The following NAV1 variants were observed in gnomAD, a reference collection of about 807,000 sequenced individuals.
The protein encoded by NAV1 is neuron navigator 1.
A neutral mutation model predicts 175.2 loss-of-function variants in NAV1; 18 were observed. The ratio of observed to expected loss-of-function variants is 0.10; its 90% CI spans 0.07 to 0.15. The LOEUF (loss-of-function observed/expected upper bound fraction) is 0.15, where lower values mean the gene tolerates loss of function less well. NAV1 is among the 10% of genes least tolerant of loss of function. The pLI, the probability that NAV1 is intolerant of heterozygous loss-of-function variation, is 1.00. For missense variants in NAV1, 1,731 were observed against 2,436.6 expected (o/e 0.71, Z 6.10); for synonymous variants, 897 against 978.7 (o/e 0.92, Z 1.56).
chr1:201,804,581 A>G (rs1678159752), intron 17 of NAV1, 84 bp downstream of exon 21: 2 of 299,322 alleles, frequency 6.7e-6, no homozygotes, highest in Non-Finnish European at 5.2e-6. Context: ...CCTTCCCCTA[A>G]AAAAAAAAAA....
intron 3 of NAV1, among the ~76,000 whole-genome samples, chr1:201,743,262 G>A (rs985630797): frequency 6.6e-6 from 1 of 152,190 alleles, no homozygotes; most frequent in African/African-American, 2.4e-5. Flanking sequence ...ACTAAATGCT[G>A]AAGATGCAGA....
chr1:201,586,948 C>T (rs1322862400), intron 1 of NAV1, among the ~76,000 whole-genome samples: 5 of 152,148 alleles, frequency 3.3e-5, no homozygotes, highest in South Asian at 2.1e-4. Context: ...CAGTAGCTCA[C>T]GCCTGTAACC....
intron 1 of NAV1, among the ~76,000 whole-genome samples, chr1:201,708,869 C>T (rs1671779709): frequency 6.6e-6 from 1 of 152,116 alleles, no homozygotes; most frequent in African/African-American, 2.4e-5. Flanking sequence ...AAGCCATTAG[C>T]CAGGCACGAT....
chr1:201,551,863 C>T lies in NAV1; in HGVS notation c.-144+12521C>T, dbSNP rs1665864178. 2.0e-5 allele frequency among the ~76,000 whole-genome samples: 3 copies of T among 152,230 alleles called. No individual in the cohort carries two copies. The South Asian group carries it at 6.2e-4, about 31-fold the overall frequency. On this transcript the variant is annotated intron_variant, in intron 1 of 33. Coordinates refer to the NAV1 transcript ENST00000685211. The stretch of plus-strand genomic sequence containing the variant: ...AAAACTCCTCTGCTTTTTAGCCGGT[C>T]TGGAGCTAATAAGCCGGCCCCTCCC...
At chr1:201,722,743 A>G (rs181817779) in intron 3 of NAV1, among the ~76,000 whole-genome samples, 22 of 152,342 alleles carry the variant, frequency 1.4e-4, no homozygotes, top group Admixed American at 1.2e-3. Flanking sequence ...TCTACCAGCA[A>G]TGAATGAGGG....
At chr1:201,791,052 C>T (rs1677087303) in intron 13 of NAV1, 2 of 381,076 alleles carry the variant, frequency 5.2e-6, no homozygotes, top group African/African-American at 4.0e-5. Flanking sequence ...AGATTGATTA[C>T]CAGTGGTTCT....
chr1:201,540,284 C>A (rs1184691803), intron 1 of NAV1, among the ~76,000 whole-genome samples: 1 of 152,186 alleles, frequency 6.6e-6, no homozygotes, highest in Non-Finnish European at 1.5e-5. Context: ...GCGCAGCTGG[C>A]GCCGGCTTAA....
At chr1:201,778,253 G>A (rs541514488) in intron 3 of NAV1, among the ~76,000 whole-genome samples, 1 of 152,260 alleles carries the variant, frequency 6.6e-6, no homozygotes, top group African/African-American at 2.4e-5. Flanking sequence ...GTGGGGCAAA[G>A]GAAGGTTTCT....
At chr1:201,614,730 G>C (rs146663139) in intron 2 of NAV1, among the ~76,000 whole-genome samples, 187 of 152,324 alleles carry the variant, frequency 1.2e-3, no homozygotes, top group African/African-American at 4.3e-3. Context: ...CTGAGGCCTG[G>C]ATTTAGGCTG....
chr1:201,649,775 T>C (rs1419260293), intron 1 of NAV1, among the ~76,000 whole-genome samples: 1 of 151,978 alleles, frequency 6.6e-6, no homozygotes, highest in Non-Finnish European at 1.5e-5. Context: ...GAAACCTCCG[T>C]TGTGGTGTGG....
chr1:201,664,809 G>T (rs1199498588), intron 1 of NAV1, among the ~76,000 whole-genome samples: 4 of 152,140 alleles, frequency 2.6e-5, no homozygotes, highest in African/African-American at 9.7e-5. Context: ...GCCGTGGTAT[G>T]CCCTCAGCCT....
intron 1 of NAV1, among the ~76,000 whole-genome samples, chr1:201,677,613 A>T (rs960141469): frequency 1.3e-5 from 2 of 151,134 alleles, no homozygotes; most frequent in Non-Finnish European, 3.0e-5. Context: ...CTTCCCCTAA[A>T]CTCACCATCT....
chr1:201,732,933 T>C (rs554134513), intron 3 of NAV1, among the ~76,000 whole-genome samples: 2 of 151,596 alleles, frequency 1.3e-5, no homozygotes, highest in Non-Finnish European at 2.9e-5. Context: ...TAGCTGGGCA[T>C]GGTGGCGCGT....
chr1:201,653,149 C>T (rs912576462), intron 1 of NAV1, among the ~76,000 whole-genome samples: 7 of 152,298 alleles, frequency 4.6e-5, no homozygotes, highest in East Asian at 1.9e-4. Context: ...AATCACAAGT[C>T]GGGGACTGTC....
chr1:201,740,014 G>A lies in NAV1; in HGVS notation c.1226+21259G>A, dbSNP rs142134365. ...GCCCACCCGGTGAATGGCCGCCTGA[G>A]CCGGGGAAGATGCTTCATCTGCCCC... On this transcript the variant is annotated intron_variant, in intron 3 of 29. Transcript: ENST00000367296. This position sits in a 1 kb window ranked among gnomAD's most constrained non-coding sequence, Gnocchi z 4.7. 2,996 of 1,480,744 alleles carry A rather than the reference G, an allele frequency of 2.0e-3. 135 individuals are homozygous for A. The Admixed American group carries it at 0.068, about 34-fold the overall frequency. 91.7% of individuals were successfully genotyped at this position (1,480,744 alleles called of 1,614,324 possible).
At chr1:201,712,818 C>G in exon 2 of NAV1, 1 of 1,610,620 alleles carries the variant, frequency 6.2e-7, no homozygotes, top group Non-Finnish European at 8.5e-7. Flanking sequence ...CCCTACCAGA[C>G]CCAGAGTCCC....
rs1293779088 is a variant in NAV1 at position 201,788,298 on chromosome 1, C to A, written c.2996-170C>A. On this transcript the variant is annotated intron_variant, in intron 9 of 29. Coordinates refer to ENST00000367296, the Ensembl canonical transcript of NAV1. This position sits in a 1 kb window ranked among gnomAD's most constrained non-coding sequence, Gnocchi z 5.7. ...GAGGGACCCCGCTCCTAACCACCAG[C>A]TGCTTGCACACTCCCACCACCGCAC... is the stretch of plus-strand genomic sequence containing the variant. Among the ~76,000 whole-genome samples the A allele has an allele frequency of 6.6e-6, 1 of 152,116 alleles. No individual in the cohort carries two copies. The highest frequency in any genetic ancestry group is 1.5e-5 in the Non-Finnish European group (1 of 68,020).
chr1:201,674,467 C>T (rs1670167266), intron 1 of NAV1, among the ~76,000 whole-genome samples: 2 of 152,060 alleles, frequency 1.3e-5, no homozygotes, highest in Non-Finnish European at 2.9e-5. Flanking sequence ...CTCCTGGAGG[C>T]CCTCCAGCAA....
intron 2 of NAV1, among the ~76,000 whole-genome samples, chr1:201,631,175 A>T (rs1668471370): frequency 6.6e-6 from 1 of 152,224 alleles, no homozygotes; most frequent in Admixed American, 6.5e-5. Context: ...GGTTCACTGC[A>T]CTGCCTCTGC....
Sources: gnomAD v4.1 joint callset for allele counts (sites outside exome capture counted in the v4.1 genomes callset) on GRCh38, gnomAD v4.1.1 for gene constraint, Gnocchi (gnomAD v3.1) non-coding constraint, MANE v1.5 for transcripts, NCBI Gene and HGNC (gene_info 2026-07-23, HGNC 2026-07-21) for gene names.